Variants in KCNH1 observed in about 807,000 individuals in gnomAD.
The protein encoded by KCNH1 is potassium voltage-gated channel subfamily H member 1, also known as voltage-gated delayed rectifier potassium channel KCNH1.
KCNH1 carries 27 observed loss-of-function variants against 69.2 expected under a neutral mutation model. That is an observed-to-expected ratio of 0.39 (90% CI 0.29 to 0.54). The LOEUF (loss-of-function observed/expected upper bound fraction) is 0.54, where lower values mean the gene tolerates loss of function less well. Ranked by LOEUF, KCNH1 falls within the 20% of genes least tolerant of loss-of-function variation. KCNH1 has a pLI of 0.68. For missense variants in KCNH1, 798 were observed against 1,261.6 expected (o/e 0.63, Z 5.57); for synonymous variants, 456 against 487.7 (o/e 0.93, Z 0.86).
At chr1:210,885,868 G>A (rs898975771) in intron 7 of KCNH1, among the ~76,000 whole-genome samples, 2 of 152,336 alleles carry the variant, frequency 1.3e-5, no homozygotes, top group Middle Eastern at 6.8e-3. Flanking sequence ...GGCAGACCAT[G>A]TCTGAAAGAG....
At chr1:211,095,090 A>G (rs1489608681) in intron 3 of KCNH1, among the ~76,000 whole-genome samples, 1 of 152,208 alleles carries the variant, frequency 6.6e-6, no homozygotes, top group Non-Finnish European at 1.5e-5. Context: ...GGTCTCTCCT[A>G]GAACCCAAAT....
chr1:210,794,686 G>A (rs938151285), intron 9 of KCNH1, among the ~76,000 whole-genome samples: 1 of 152,186 alleles, frequency 6.6e-6, no homozygotes, highest in Non-Finnish European at 1.5e-5. Context: ...GCTGTGTGTG[G>A]TGAGTCATGA....
chr1:210,703,162 G>A (rs752573034), intron 10 of KCNH1, among the ~76,000 whole-genome samples: 3 of 152,036 alleles, frequency 2.0e-5, no homozygotes, highest in Non-Finnish European at 4.4e-5. Context: ...CCTTCTGCAT[G>A]GCACAACATG....
intron 6 of KCNH1, among the ~76,000 whole-genome samples, chr1:210,929,460 T>C (rs1444244338): frequency 1.3e-5 from 2 of 152,158 alleles, no homozygotes; most frequent in East Asian, 3.9e-4. Flanking sequence ...AGAAAAAGCA[T>C]CTGACAAAAT....
intron 6 of KCNH1, among the ~76,000 whole-genome samples, chr1:210,929,525 C>A (rs1426853861): frequency 2.0e-5 from 3 of 152,098 alleles, no homozygotes; most frequent in Admixed American, 6.6e-5. Flanking sequence ...AAGGAACACA[C>A]CTTAAGGTAA....
At chr1:210,994,296 A>C (rs1461922147) in intron 6 of KCNH1, among the ~76,000 whole-genome samples, 1 of 152,178 alleles carries the variant, frequency 6.6e-6, no homozygotes. Context: ...TCCTCATTCC[A>C]TCAATATCTG....
intron 10 of KCNH1, among the ~76,000 whole-genome samples, chr1:210,695,949 G>A (rs188196175): frequency 2.0e-4 from 30 of 152,318 alleles, no homozygotes; most frequent in Middle Eastern, 3.4e-3. Context: ...GCGGGAGGAG[G>A]AGAGAAGGGG....
chr1:211,056,687 G>T (rs940013817), intron 5 of KCNH1, among the ~76,000 whole-genome samples: 1 of 152,120 alleles, frequency 6.6e-6, no homozygotes, highest in Admixed American at 6.5e-5. Context: ...CAGGTAGCTC[G>T]GCACAGAAAG....
chr1:210,933,280 A>T (rs1002474043), intron 6 of KCNH1, among the ~76,000 whole-genome samples: 1 of 151,658 alleles, frequency 6.6e-6, no homozygotes, highest in African/African-American at 2.4e-5. Context: ...ACCAAACACC[A>T]CATATTCTCA....
At chr1:210,809,898 G>C (rs555569234) in intron 7 of KCNH1, among the ~76,000 whole-genome samples, 1 of 150,436 alleles carries the variant, frequency 6.6e-6, no homozygotes, top group South Asian at 2.1e-4. Context: ...CAGTTTCCAA[G>C]GCTTCTCTGA....
chr1:211,018,814 A>G lies in KCNH1; in HGVS notation c.1001T>C (p.Ile334Thr). 1.2e-6 allele frequency: 2 copies of G among 1,612,556 alleles called. No individual in the cohort carries two copies. Among genetic ancestry groups the G allele is most frequent in the Non-Finnish European group, 1.7e-6 (2 of 1,179,178 alleles). The change falls in exon 6 of 11, where the codon ATT becomes ACT. Residue 334 changes from isoleucine (I) to threonine (T), a missense_variant. This residue lies in a region of KCNH1 where 266 missense variants were observed against 457.2 expected (regional missense o/e 0.58). Coordinates refer to ENST00000271751, the MANE Select transcript of KCNH1 (RefSeq NM_172362.3). ...CTCTCTCCCCTCCAGTGGTGGTGGA[A>G]TCTGATCAGCAAAACCAATCTTCCC... ...DPGKIGFADQ[I>T]PPPLEGRESQ...
intron 6 of KCNH1, among the ~76,000 whole-genome samples, chr1:210,933,854 A>C (rs1687727076): frequency 6.6e-6 from 1 of 152,200 alleles, no homozygotes; most frequent in Admixed American, 6.5e-5. Flanking sequence ...ACCAATGGAT[A>C]GAATAAAGAA....
intron 5 of KCNH1, among the ~76,000 whole-genome samples, chr1:211,024,224 C>A (rs1313378767): frequency 1.3e-5 from 2 of 152,108 alleles, no homozygotes; most frequent in Non-Finnish European, 2.9e-5. Context: ...TTGTGATAAC[C>A]ACTAAATAAC....
intron 7 of KCNH1, among the ~76,000 whole-genome samples, chr1:210,823,839 G>A (rs974584841): frequency 2.0e-5 from 3 of 152,076 alleles, no homozygotes; most frequent in African/African-American, 7.2e-5. Flanking sequence ...TACTGTACTG[G>A]CCCTTGCCTA....
At chr1:211,070,706 C>T (rs539470271) in intron 5 of KCNH1, among the ~76,000 whole-genome samples, 3 of 151,816 alleles carry the variant, frequency 2.0e-5, no homozygotes, top group African/African-American at 7.2e-5. Flanking sequence ...TGCCTGTAAT[C>T]CCAGCTACAG....
At chr1:210,848,171 G>A (rs970216946) in intron 7 of KCNH1, among the ~76,000 whole-genome samples, 1 of 152,156 alleles carries the variant, frequency 6.6e-6, no homozygotes, top group Non-Finnish European at 1.5e-5. Context: ...CTTATAGATA[G>A]TAATACCTTA....
chr1:210,831,618 T>A (rs1186731044), intron 7 of KCNH1, among the ~76,000 whole-genome samples: 1 of 152,154 alleles, frequency 6.6e-6, no homozygotes, highest in Non-Finnish European at 1.5e-5. Flanking sequence ...GCAGAAATCA[T>A]CTCCTCATAC....
chr1:210,890,649 A>G (rs942154091), intron 7 of KCNH1, among the ~76,000 whole-genome samples: 3 of 152,170 alleles, frequency 2.0e-5, no homozygotes, highest in Admixed American at 6.5e-5. Flanking sequence ...TATCCATCTG[A>G]CAAACGGATA....
intron 7 of KCNH1, among the ~76,000 whole-genome samples, chr1:210,888,887 G>A (rs554459461): frequency 8.1e-4 from 123 of 152,228 alleles, no homozygotes; most frequent in African/African-American, 2.9e-3. Context: ...CCAATAACAA[G>A]TTCTGAAATT....
Sources: allele counts gnomAD v4.1 joint callset (sites outside exome capture counted in the v4.1 genomes callset), GRCh38; gene constraint gnomAD v4.1.1; regional missense constraint gnomAD v4.1.1; transcripts MANE v1.5; gene names NCBI Gene and HGNC (gene_info 2026-07-23, HGNC 2026-07-21).